The following GABRB1 variants were observed in gnomAD, a reference collection of about 807,000 sequenced individuals.
GABRB1 encodes gamma-aminobutyric acid receptor subunit beta-1.
Under a neutral mutation model 51.6 loss-of-function variants are expected in GABRB1, and 17 were observed. The ratio of observed to expected loss-of-function variants is 0.33; its 90% CI spans 0.23 to 0.49. The LOEUF (loss-of-function observed/expected upper bound fraction) is 0.49. Ranked by LOEUF, GABRB1 falls within the 20% of genes least tolerant of loss-of-function variation. The pLI is 0.99. For missense variants in GABRB1, 410 were observed against 600.6 expected, an observed-to-expected ratio of 0.68 and a Z score of 3.32; for synonymous variants, 247 against 218.9, an observed-to-expected ratio of 1.13 and a Z score of -1.14.
At chr4:47,031,381 T>A (rs1725288313), upstream of GABRB1, 1 of 499,988 alleles carries the variant, frequency 2.0e-6, no homozygotes, top group South Asian at 2.5e-5. Context: ...GAAACTCCGT[T>A]TACACATGCT....
intron 4 of GABRB1, among the ~76,000 whole-genome samples, chr4:47,301,441 A>G (rs1578077630): frequency 1.3e-5 from 2 of 151,332 alleles, no homozygotes; most frequent in East Asian, 1.9e-4. Flanking sequence ...GTTCAAGACC[A>G]GCCTGGACAA....
At chr4:47,315,027 G>T (rs1349701537) in intron 4 of GABRB1, among the ~76,000 whole-genome samples, 3 of 151,920 alleles carry the variant, frequency 2.0e-5, no homozygotes. Flanking sequence ...TGACAAATGG[G>T]ACCTAATTAA....
intron 4 of GABRB1, among the ~76,000 whole-genome samples, chr4:47,210,852 G>A (rs757698919): frequency 4.1e-4 from 63 of 152,250 alleles, no homozygotes; most frequent in Non-Finnish European, 7.1e-4. Flanking sequence ...CAGCCACGGG[G>A]GCTATAGTAA....
chr4:47,082,908 G>C (rs1727909729), intron 3 of GABRB1, among the ~76,000 whole-genome samples: 1 of 152,052 alleles, frequency 6.6e-6, no homozygotes, highest in African/African-American at 2.4e-5. Flanking sequence ...CAATTCAGGA[G>C]ACATCCAGGC....
intron 4 of GABRB1, among the ~76,000 whole-genome samples, chr4:47,198,282 G>C (rs890028414): frequency 2.6e-5 from 4 of 152,126 alleles, no homozygotes; most frequent in African/African-American, 9.7e-5. Flanking sequence ...AAGGTAGTAT[G>C]GTACATGTTT....
chr4:47,052,794 G>A (rs537708018), intron 3 of GABRB1, among the ~76,000 whole-genome samples: 5 of 152,184 alleles, frequency 3.3e-5, no homozygotes, highest in African/African-American at 1.2e-4. Context: ...ATCGCTTTGC[G>A]GATCAGCTTC....
At chr4:47,136,443 T>C (rs1716657054) in intron 3 of GABRB1, among the ~76,000 whole-genome samples, 1 of 151,896 alleles carries the variant, frequency 6.6e-6, no homozygotes, top group Admixed American at 6.6e-5. Context: ...GCTAATTCAA[T>C]TAAAGAGAAA....
At chr4:47,002,891 G>C (rs1724273173) in intron 1 of GABRB1, among the ~76,000 whole-genome samples, 1 of 152,148 alleles carries the variant, frequency 6.6e-6, no homozygotes, top group Non-Finnish European at 1.5e-5. Context: ...AATAGAAGGA[G>C]AACCTCAATG....
At chr4:47,163,007 T>C (rs1718028031) in intron 4 of GABRB1, among the ~76,000 whole-genome samples, 1 of 152,054 alleles carries the variant, frequency 6.6e-6, no homozygotes, top group Non-Finnish European at 1.5e-5. Flanking sequence ...ACAGATTTGG[T>C]TTTCCTTTCC....
chr4:47,077,273 T>C (rs1202385559), intron 3 of GABRB1, among the ~76,000 whole-genome samples: 1 of 152,202 alleles, frequency 6.6e-6, no homozygotes, highest in Non-Finnish European at 1.5e-5. Context: ...TTACACACCC[T>C]TATTCCTTAG....
chr4:47,153,938 T>C (rs1015052951), intron 3 of GABRB1, among the ~76,000 whole-genome samples: 7 of 151,862 alleles, frequency 4.6e-5, no homozygotes, highest in Non-Finnish European at 5.9e-5. Flanking sequence ...ACAATGGTAA[T>C]AAAGAATGCA....
chr4:47,043,000 T>G (rs1428887109), intron 3 of GABRB1: 1 of 152,058 alleles, frequency 6.6e-6, no homozygotes, highest in African/African-American at 2.4e-5. Flanking sequence ...AACTACCACA[T>G]TAAATGGTGG....
intron 4 of GABRB1, among the ~76,000 whole-genome samples, chr4:47,168,041 T>C (rs1393223630): frequency 6.6e-6 from 1 of 152,176 alleles, no homozygotes; most frequent in Non-Finnish European, 1.5e-5. Flanking sequence ...TGTATGTAGG[T>C]CTGTTATGCA....
chr4:47,006,362 A>G (rs1724398164), intron 1 of GABRB1, among the ~76,000 whole-genome samples: 2 of 152,156 alleles, frequency 1.3e-5, no homozygotes, highest in Non-Finnish European at 2.9e-5. Flanking sequence ...CAGAGTGCAT[A>G]TTCCCACAGA....
chr4:47,043,525 G>A (rs115331023), intron 3 of GABRB1, among the ~76,000 whole-genome samples: 131 of 152,114 alleles, frequency 8.6e-4, no homozygotes, highest in African/African-American at 2.9e-3. Context: ...AATTTAACTT[G>A]ATGAATTATG....
chr4:47,274,387 G>T (rs1232333000), intron 4 of GABRB1, among the ~76,000 whole-genome samples: 1 of 152,032 alleles, frequency 6.6e-6, no homozygotes. Context: ...TAGACTTGAG[G>T]CCCGTTATTA....
At chr4:47,132,373 G>A (rs544704743) in intron 3 of GABRB1, among the ~76,000 whole-genome samples, 62 of 145,780 alleles carry the variant, frequency 4.3e-4, no homozygotes, top group African/African-American at 1.3e-3. Flanking sequence ...ACGTTTTTTC[G>A]TTTGTTTGTT....
intron 3 of GABRB1, among the ~76,000 whole-genome samples, chr4:47,064,957 C>T (rs962010811): frequency 2.0e-5 from 3 of 152,134 alleles, no homozygotes; most frequent in African/African-American, 7.2e-5. Context: ...GTTATAAAGG[C>T]ATTAGTGATT....
intron 5 of GABRB1, among the ~76,000 whole-genome samples, chr4:47,344,492 A>C (rs1203425185): frequency 6.6e-6 from 1 of 152,188 alleles, no homozygotes; most frequent in Non-Finnish European, 1.5e-5. Context: ...GTTTGGAGGA[A>C]ACAATACCAA....
Sources: gnomAD v4.1 joint callset for allele counts (sites outside exome capture counted in the v4.1 genomes callset) on GRCh38, gnomAD v4.1.1 for gene constraint, MANE v1.5 for transcripts, NCBI Gene and HGNC (gene_info 2026-07-23, HGNC 2026-07-21) for gene names.